The following DYM variants were observed in gnomAD, a reference collection of about 807,000 sequenced individuals.
DYM encodes dyggve-Melchior-Clausen syndrome protein.
Under a neutral mutation model 93.1 loss-of-function variants are expected in DYM, and 78 were observed. The ratio of observed to expected loss-of-function variants is 0.84; its 90% CI spans 0.70 to 1.01. The LOEUF (loss-of-function observed/expected upper bound fraction) is 1.01, where lower values mean the gene tolerates loss of function less well. Among genes scored for constraint, DYM ranks in the 50% least tolerant of loss-of-function variants. The pLI, the probability that DYM is intolerant of heterozygous loss-of-function variation, is 0.00. For missense variants in DYM, 789 were observed against 845.0 expected (o/e 0.93, Z 0.82); for synonymous variants, 321 against 319.7 (o/e 1.00, Z -0.04).
At chr18:49,317,594 TCTCCCCCCTCCCCCCTCCCTC>T (rs2062058817) in intron 8 of DYM, among the ~76,000 whole-genome samples, 1 of 28,042 alleles carries the variant, frequency 3.6e-5, no homozygotes, top group African/African-American at 1.7e-4. Flanking sequence ...TCTCTCTCTC[TCTCCCCCCTCCCCCCTCCCTC>T]CCTCCCTCCC....
intron 10 of DYM, among the ~76,000 whole-genome samples, chr18:49,278,929 G>A (rs2094908579): frequency 6.6e-6 from 1 of 152,148 alleles, no homozygotes; most frequent in Non-Finnish European, 1.5e-5. Flanking sequence ...CATCTCAAAT[G>A]TCTAGCTGCT....
intron 8 of DYM, among the ~76,000 whole-genome samples, chr18:49,296,053 CT>C (rs1441457439): frequency 2.0e-5 from 3 of 152,178 alleles, no homozygotes; most frequent in African/African-American, 7.2e-5. Flanking sequence ...TTCTGAGTAG[CT>C]GGGATTAGTA....
chr18:49,178,664 T>A (rs1161087327), intron 14 of DYM, among the ~76,000 whole-genome samples: 2 of 152,086 alleles, frequency 1.3e-5, no homozygotes, highest in East Asian at 3.8e-4. Context: ...TTCTTTCTAA[T>A]AAAAATACAC....
At chr18:49,099,519 G>A (rs2079909668) in intron 16 of DYM, among the ~76,000 whole-genome samples, 1 of 151,990 alleles carries the variant, frequency 6.6e-6, no homozygotes, top group Non-Finnish European at 1.5e-5. Context: ...TATAAATCAT[G>A]CAATATACTA....
chr18:49,340,105 C>A (rs1268110152), intron 6 of DYM, among the ~76,000 whole-genome samples: 1 of 152,098 alleles, frequency 6.6e-6, no homozygotes, highest in Non-Finnish European at 1.5e-5. Context: ...GCACCCGCCA[C>A]CACGCCCAGC....
intron 17 of DYM, among the ~76,000 whole-genome samples, chr18:49,054,523 G>A (rs578027332): frequency 3.3e-5 from 5 of 152,340 alleles, no homozygotes; most frequent in Admixed American, 2.0e-4. Context: ...AATTACAGGC[G>A]TGAGCCACTG....
chr18:49,258,648 G>C (rs2094433061), intron 11 of DYM, among the ~76,000 whole-genome samples, 155 bp from the exon 12 acceptor site: 1 of 152,126 alleles, frequency 6.6e-6, no homozygotes, highest in African/African-American at 2.4e-5. Context: ...GATCTTCAAG[G>C]AGAGATGCTC....
chr18:49,238,156 T>C (rs2093928215), intron 13 of DYM, among the ~76,000 whole-genome samples: 1 of 152,186 alleles, frequency 6.6e-6, no homozygotes, highest in Non-Finnish European at 1.5e-5. Context: ...ACCAGAAAAT[T>C]TTGAGACGGT....
At chr18:49,348,455 C>G (rs1337393410) in intron 6 of DYM, among the ~76,000 whole-genome samples, 1 of 152,146 alleles carries the variant, frequency 6.6e-6, no homozygotes, top group African/African-American at 2.4e-5. Flanking sequence ...CTAGAAGAAA[C>G]AGTGCTTGGC....
At chr18:49,376,955 T>C (rs1427674132) in intron 5 of DYM, among the ~76,000 whole-genome samples, 22 of 152,166 alleles carry the variant, frequency 1.4e-4, no homozygotes, top group Admixed American at 1.4e-3. Flanking sequence ...AAGGATGAAA[T>C]GACTGTCCTA....
chr18:49,350,400 T>C (rs576320326), intron 6 of DYM, among the ~76,000 whole-genome samples: 1 of 152,252 alleles, frequency 6.6e-6, no homozygotes, highest in East Asian at 1.9e-4. Flanking sequence ...GTCTGGCTGG[T>C]ATCATTTTTA....
At chr18:49,216,584 T>C (rs1226234750) in intron 13 of DYM, among the ~76,000 whole-genome samples, 2 of 152,118 alleles carry the variant, frequency 1.3e-5, no homozygotes, top group South Asian at 4.1e-4. Context: ...GACAGCAGCA[T>C]TCGTGGTTCA....
intron 13 of DYM, among the ~76,000 whole-genome samples, chr18:49,230,308 T>C (rs750135824): frequency 1.3e-5 from 2 of 152,196 alleles, no homozygotes; most frequent in Non-Finnish European, 2.9e-5. Context: ...AATTAGGTTA[T>C]AGATTTTAAG....
At chr18:49,152,705 A>C (rs2085956630) in intron 15 of DYM, among the ~76,000 whole-genome samples, 1 of 152,200 alleles carries the variant, frequency 6.6e-6, no homozygotes, top group African/African-American at 2.4e-5. Context: ...ACTACAGCTA[A>C]GATATGAAGA....
Position 49,262,707 on chromosome 18 carries a change from C to T in DYM, c.1252-4214G>A, listed in dbSNP as rs79648799. Among the ~76,000 whole-genome samples the T allele has an allele frequency of 4.9e-3, 747 of 152,282 alleles. 5 individuals are homozygous for T. Among genetic ancestry groups the T allele is most frequent in the Middle Eastern group, 0.01 (3 of 294 alleles). On this transcript the variant is annotated intron_variant, in intron 11 of 17. Transcript: ENST00000675505. ...GTAATATACAGCAGAGAACAAAGAA[C>T]TGTGGTCCACATCCATTCTTACTGG...
At chr18:49,268,750 T>G (rs2094615704) in intron 11 of DYM, among the ~76,000 whole-genome samples, 1 of 144,996 alleles carries the variant, frequency 6.9e-6, no homozygotes, top group Non-Finnish European at 1.5e-5. Context: ...TTGTGTGTTT[T>G]ATATGCATGT....
chr18:49,366,092 T>A (rs908640082), intron 5 of DYM, among the ~76,000 whole-genome samples: 2 of 152,048 alleles, frequency 1.3e-5, no homozygotes, highest in African/African-American at 2.4e-5. Flanking sequence ...AAAAAAAAAA[T>A]TCCTCAGAAT....
intron 14 of DYM, among the ~76,000 whole-genome samples, chr18:49,194,337 C>A (rs187490030): frequency 1.8e-4 from 28 of 152,268 alleles, no homozygotes; most frequent in Admixed American, 1.6e-3. Context: ...CACACCTACA[C>A]ACCCACACCT....
At chr18:49,428,129 T>G (rs144720364) in intron 2 of DYM, among the ~76,000 whole-genome samples, 1,645 of 151,890 alleles carry the variant, frequency 0.011, 28 homozygotes, top group African/African-American at 0.038. Context: ...TATTGGTGCA[T>G]GCTACAACAT....
Sources: allele counts gnomAD v4.1 joint callset (sites outside exome capture counted in the v4.1 genomes callset), GRCh38; gene constraint gnomAD v4.1.1; transcripts MANE v1.5; gene names NCBI Gene and HGNC (gene_info 2026-07-23, HGNC 2026-07-21).